FNDC3B: variants seen among roughly 807,000 people sequenced by gnomAD.
The protein encoded by FNDC3B is fibronectin type III domain-containing protein 3B.
Under a neutral mutation model 151.5 loss-of-function variants are expected in FNDC3B, and 12 were observed. That is an observed-to-expected ratio of 0.08 (90% CI 0.05 to 0.13). FNDC3B has a LOEUF of 0.13. Among genes scored for constraint, FNDC3B ranks in the 10% least tolerant of loss-of-function variants. The pLI is 1.00. For missense variants in FNDC3B, 1,214 were observed against 1,505.3 expected (o/e 0.81, Z 3.20); for synonymous variants, 528 against 549.0 (o/e 0.96, Z 0.54).
chr3:172,363,236 G>A lies in FNDC3B; in HGVS notation c.3008+391G>A, dbSNP rs575444153. ...CTCTTTAAATATTCAGTAACCATCA[G>A]GACAAACATGTTTACCAATGTGAAA... On this transcript the variant is annotated intron_variant, in intron 23 of 25. Transcript: ENST00000415807. 9.9e-5 allele frequency among the ~76,000 whole-genome samples: 15 copies of A among 152,272 alleles called. 1 individual carries two copies. In the South Asian group the frequency reaches 3.1e-3, roughly 32 times the overall value.
chr3:172,110,746 C>T (rs1321523478), intron 1 of FNDC3B, among the ~76,000 whole-genome samples: 2 of 151,990 alleles, frequency 1.3e-5, no homozygotes, highest in East Asian at 3.9e-4. Context: ...ATTGCTTCTC[C>T]ACCCTTAGAT....
rs9290440 is a variant in FNDC3B at position 172,050,530 on chromosome 3, C to T, written c.-29+10759C>T. On this transcript the variant is annotated intron_variant, in intron 1 of 25. Transcript: ENST00000415807. ...TCCGGAGCAGCTGGGATTACAGGCA[C>T]GTGCCACCATGCCTGGCTAATTTTT... Among the ~76,000 whole-genome samples, 166 of 151,722 alleles carry T rather than the reference C, an allele frequency of 1.1e-3. 2 individuals are homozygous for T. The highest frequency in any genetic ancestry group is 3.7e-3 in the African/African-American group (154 of 41,360).
chr3:172,328,992 G>T lies in FNDC3B; in HGVS notation c.1295G>T (p.Ser432Ile). The T allele has an allele frequency of 6.2e-7, 1 of 1,613,348 alleles. No homozygotes were observed. The highest frequency in any genetic ancestry group is 8.5e-7 in the Non-Finnish European group (1 of 1,179,474). Residue 432 changes from serine to isoleucine, a missense_variant, in exon 12 of 26, where the codon AGC becomes ATC. Coordinates refer to ENST00000415807, the MANE Select transcript of FNDC3B (RefSeq NM_022763.4). ...NSGFRQCFFG[S>I]QKHCKLTKLC... ...GGTTTCAGACAGTGCTTCTTCGGGA[G>T]CCAGAAGCACTGCAAGTTGACAAAG... is the stretch of plus-strand genomic sequence containing the variant.
chr3:172,275,989 A>C (rs1037139579), intron 6 of FNDC3B, among the ~76,000 whole-genome samples: 18 of 152,184 alleles, frequency 1.2e-4, no homozygotes, highest in African/African-American at 4.3e-4. Context: ...TTCAAGTTGG[A>C]TATATTTTAA....
At chr3:172,203,064 T>C (rs1560016415) in intron 3 of FNDC3B, among the ~76,000 whole-genome samples, 1 of 152,134 alleles carries the variant, frequency 6.6e-6, no homozygotes, top group Non-Finnish European at 1.5e-5. Context: ...ACATATTACA[T>C]GGGGAGTTCT....
At chr3:172,332,444 T>C (rs1322018843) in intron 13 of FNDC3B, among the ~76,000 whole-genome samples, 1 of 152,226 alleles carries the variant, frequency 6.6e-6, no homozygotes, top group Non-Finnish European at 1.5e-5. Flanking sequence ...AGCTTTTCTG[T>C]ATTGTCTTCT....
intron 11 of FNDC3B, among the ~76,000 whole-genome samples, chr3:172,318,563 T>A (rs1489620781): frequency 6.6e-6 from 1 of 152,204 alleles, no homozygotes; most frequent in African/African-American, 2.4e-5. Context: ...ATGAAGGGAA[T>A]GGAGCAGCTA....
In FNDC3B at chr3:172,101,863, C is replaced by T. The variant is rs573568487; in HGVS notation, c.-28-10589C>T. Among the ~76,000 whole-genome samples, 9 of 152,310 alleles carry T rather than the reference C, an allele frequency of 5.9e-5. No individual in the cohort carries two copies. In the East Asian group the frequency reaches 1.7e-3, roughly 29 times the overall value. On this transcript the variant is annotated intron_variant, in intron 1 of 25. Coordinates refer to ENST00000415807, the MANE Select transcript of FNDC3B (RefSeq NM_022763.4). ...TGGTAGTATAATGGATTTGCTTCAT[C>T]TTCCTTAAGCTACTTTAAAATGTGC...
intron 11 of FNDC3B, among the ~76,000 whole-genome samples, chr3:172,315,418 A>G (rs1035439789): frequency 1.8e-4 from 28 of 152,328 alleles, no homozygotes; most frequent in African/African-American, 6.7e-4. Flanking sequence ...TTGGCTTTTC[A>G]GCTGTGGCCT....
chr3:172,258,349 C>G (rs998586802), intron 6 of FNDC3B, among the ~76,000 whole-genome samples: 3 of 152,134 alleles, frequency 2.0e-5, no homozygotes, highest in African/African-American at 7.2e-5. Context: ...TGCTTTCTGA[C>G]TCCAGCAGTG....
intron 22 of FNDC3B, among the ~76,000 whole-genome samples, chr3:172,361,334 T>C (rs111320024): frequency 0.024 from 3,691 of 152,318 alleles, 156 homozygotes; most frequent in African/African-American, 0.085. Context: ...TTATAAGTTC[T>C]AACTTTAAGT....
chr3:172,218,854 A>G (rs904854515), intron 3 of FNDC3B, among the ~76,000 whole-genome samples: 5 of 152,214 alleles, frequency 3.3e-5, no homozygotes, highest in Non-Finnish European at 7.3e-5. Flanking sequence ...AGAGACCAGT[A>G]TGCCTTCCAT....
At chr3:172,316,000 CTTTTTTTTTTTTT>C (rs555242809) in intron 11 of FNDC3B, among the ~76,000 whole-genome samples, 4 of 79,932 alleles carry the variant, frequency 5.0e-5, no homozygotes, top group African/African-American at 1.1e-4. Context: ...CTTTCTTCTT[CTTTTTTTTTTTTT>C]TTTTTTTTTT....
Position 172,397,249 on chromosome 3 carries a change from G to A in FNDC3B, c.3389G>A (p.Arg1130His), listed in dbSNP as rs774307921. 7.4e-6 allele frequency: 12 copies of A among 1,614,036 alleles called. No individual in the cohort carries two copies. The South Asian group carries it at 7.7e-5, about 10-fold the overall frequency. ...DYRFRVCACR[R>H]CLDTSQELSG... ...AGGTTCCGCGTATGTGCGTGTCGTC[G>A]CTGTTTAGACACCTCTCAGGAGCTA... Residue 1130 changes from arginine (R) to histidine (H), a missense_variant, in exon 26 of 26, where the codon CGC (arginine) becomes CAC (histidine). Coordinates refer to ENST00000415807, the MANE Select transcript of FNDC3B (RefSeq NM_022763.4).
intron 7 of FNDC3B, among the ~76,000 whole-genome samples, chr3:172,287,648 G>A (rs548204772): frequency 2.9e-4 from 44 of 152,318 alleles, no homozygotes; most frequent in Non-Finnish European, 5.0e-4. Context: ...GAACTCCATA[G>A]TCGCTTCTTA....
At chr3:172,365,485 G>A (rs1283667060) in intron 23 of FNDC3B, among the ~76,000 whole-genome samples, 1 of 152,134 alleles carries the variant, frequency 6.6e-6, no homozygotes, top group Admixed American at 6.5e-5. Context: ...TTAAGTTTGA[G>A]CATATTTCAT....
At chr3:172,337,690 TTTTTG>T in intron 16 of FNDC3B, 1 of 369,566 alleles carries the variant, frequency 2.7e-6, no homozygotes, top group Non-Finnish European at 4.9e-6. Flanking sequence ...GTTTGGTTTG[TTTTTG>T]TTTTGTTTTT....
chr3:172,392,811 T>TTTC (rs1491124927), intron 25 of FNDC3B, among the ~76,000 whole-genome samples: 4 of 16,486 alleles, frequency 2.4e-4, no homozygotes, highest in African/African-American at 3.5e-4. Context: ...TTTTTTTTTC[T>TTTC]TTTTTTTTTT....
At chr3:172,153,019 C>T (rs1309663764) in intron 3 of FNDC3B, among the ~76,000 whole-genome samples, 1 of 152,066 alleles carries the variant, frequency 6.6e-6, no homozygotes, top group Non-Finnish European at 1.5e-5. Context: ...CTGTAGTGAC[C>T]ACTTTTCTGT....
Sources: gnomAD v4.1 joint callset for allele counts (sites outside exome capture counted in the v4.1 genomes callset) on GRCh38, gnomAD v4.1.1 for gene constraint, MANE v1.5 for transcripts, NCBI Gene and HGNC (gene_info 2026-07-23, HGNC 2026-07-21) for gene names.